KIF3A: variants seen among roughly 807,000 people sequenced by gnomAD.
The protein encoded by KIF3A is kinesin family member 3A.
Under a neutral mutation model 92.6 loss-of-function variants are expected in KIF3A, and 27 were observed. The ratio of observed to expected loss-of-function variants is 0.29; its 90% confidence interval spans 0.21 to 0.40. The LOEUF is 0.40. KIF3A is among the 10% of genes least tolerant of loss of function. The probability of loss-of-function intolerance (pLI) is 1.00; values close to 1 mark genes in which losing one functional copy is unlikely to be tolerated. For synonymous variants in KIF3A, 250 were observed against 275.4 expected (o/e 0.91, Z 0.92); for missense variants, 581 against 872.6 (o/e 0.67, Z 4.21).
At chr5:132,698,911 T>C (rs921454105) in intron 18 of KIF3A, among the ~76,000 whole-genome samples, 1 of 152,084 alleles carries the variant, frequency 6.6e-6, no homozygotes, top group Admixed American at 6.5e-5. Flanking sequence ...TTAACTTTTG[T>C]ATTTTTAGTA....
intron 5 of KIF3A, among the ~76,000 whole-genome samples, chr5:132,717,808 A>G (rs965613607): frequency 2.6e-5 from 4 of 152,158 alleles, no homozygotes; most frequent in African/African-American, 7.2e-5. Context: ...TCTTCCTACT[A>G]TACATTCATG....
intron 5 of KIF3A, among the ~76,000 whole-genome samples, chr5:132,718,359 G>A (rs548492030): frequency 6.6e-6 from 1 of 152,240 alleles, no homozygotes; most frequent in Non-Finnish European, 1.5e-5. Context: ...ACCCAGGCTG[G>A]AGGGCAGTGG....
intron 1 of KIF3A, among the ~76,000 whole-genome samples, chr5:132,735,748 T>C (rs550438779): frequency 1.3e-5 from 2 of 152,320 alleles, no homozygotes; most frequent in South Asian, 4.1e-4. Context: ...TCTAATCATG[T>C]CACTCTCCTA....
intron 1 of KIF3A, among the ~76,000 whole-genome samples, chr5:132,737,181 C>A (rs1324752848): frequency 1.3e-5 from 2 of 152,244 alleles, no homozygotes; most frequent in African/African-American, 4.8e-5. Context: ...CCACGGGATG[C>A]AGCAGCGACG....
chr5:132,706,359 A>T, intron 11 of KIF3A, 92 bp downstream of exon 11: 1 of 857,580 alleles, frequency 1.2e-6, no homozygotes, highest in Non-Finnish European at 1.7e-6. Flanking sequence ...TAAAAAAACT[A>T]CTAAATTTTA....
At chr5:132,714,381 A>G (rs1753541318) in intron 8 of KIF3A, among the ~76,000 whole-genome samples, 1 of 152,234 alleles carries the variant, frequency 6.6e-6, no homozygotes, top group Non-Finnish European at 1.5e-5. Context: ...AATGCCACAG[A>G]AATGTAGACT....
rs1438953192 is a variant in KIF3A at position 132,711,140 on chromosome 5, C to T, written c.1130-83G>A. 4 of 1,329,554 alleles carry T rather than the reference C, an allele frequency of 3.0e-6. No individual in the cohort carries two copies. In the African/African-American group the frequency reaches 5.8e-5, roughly 19 times the overall value. The allele number at this position is 1,329,554 out of a possible 1,614,324, so 82.4% of individuals were successfully genotyped here. ...GGAAATACCTATATCAGCTTTCTTC[C>T]TCAGATTTTTGTTACTGCAAACAAC... On this transcript the variant is annotated intron_variant, in intron 8 of 18. Transcript: ENST00000403231.
chr5:132,703,760 A>G, intron 11 of KIF3A, 141 bp from the exon 12 acceptor site: 1 of 599,906 alleles, frequency 1.7e-6, no homozygotes, highest in Non-Finnish European at 2.8e-6. Flanking sequence ...AAATCAAACC[A>G]ATAATATCAT....
At chr5:132,703,381 C>A in intron 12 of KIF3A, 82 bp downstream of exon 12, 1 of 1,216,950 alleles carries the variant, frequency 8.2e-7, no homozygotes. Context: ...CTTTTAATTA[C>A]TATTCAATTT....
At chr5:132,731,549 A>G (rs566801088) in intron 2 of KIF3A, among the ~76,000 whole-genome samples, 244 of 152,306 alleles carry the variant, frequency 1.6e-3, no homozygotes, top group African/African-American at 5.7e-3. Flanking sequence ...TACTGGTGAA[A>G]GAATGAATGC....
At chr5:132,724,698 C>A (rs569105846) in intron 4 of KIF3A, among the ~76,000 whole-genome samples, 1 of 148,574 alleles carries the variant, frequency 6.7e-6, no homozygotes, top group African/African-American at 2.5e-5. Context: ...ATGTAAATGA[C>A]GAGTTAATGG....
At chr5:132,699,867 C>T (rs1268861119) in intron 17 of KIF3A, among the ~76,000 whole-genome samples, 1 of 152,074 alleles carries the variant, frequency 6.6e-6, no homozygotes, top group East Asian at 1.9e-4. Context: ...CGGCCCGCTC[C>T]CTCTTCTTCT....
rs1167332306 is a variant in KIF3A at position 132,724,806 on chromosome 5, AAT to A, written c.510+1320_510+1321del. On this transcript the variant is annotated intron_variant, in intron 4 of 18. Transcript: ENST00000403231. ...TTAAAGTATAATAAAAAAAAAAAAAAATATATATATATATATATATATATATA... is the reference window on the plus strand; with the variant it reads ...TTAAAGTATAATAAAAAAAAAAAAAAATATATATATATATATATATATATA... Among the ~76,000 whole-genome samples the A allele has an allele frequency of 9.8e-3, 222 of 22,662 alleles. 2 individuals carry two copies. Among genetic ancestry groups the A allele is most frequent in the Middle Eastern group, 0.018 (1 of 56 alleles). The allele number at this position is 22,662 out of a possible 152,430, so 14.9% of individuals were successfully genotyped here. A position where few individuals can be genotyped will look rare whatever the true frequency, so the allele number is the denominator to read the frequency against.
intron 1 of KIF3A, 42 bp downstream of exon 1, chr5:132,737,372 T>C: frequency 1.3e-6 from 2 of 1,594,018 alleles, no homozygotes; most frequent in Non-Finnish European, 1.7e-6. Context: ...GCCAGGCCGC[T>C]AGGATGAGAA....
rs763064050 is a variant in KIF3A at position 132,734,438 on chromosome 5, T to A, written c.47A>T (p.Lys16Met). ...GAGGGGCCGGCACCTAACAACAACC[T>A]TCACATTATCGCAGCTTTCTGGCTT... ...SEKPESCDNVKVVVRCRPLNE... is the reference protein window; with the variant it reads ...SEKPESCDNVMVVVRCRPLNE... The change falls in exon 2 of 19, where the codon AAG becomes ATG. Residue 16 changes from lysine to methionine, a missense_variant. Lys to Met is a moderately conservative substitution (Grantham distance 95). Coordinates refer to ENST00000403231, the MANE Select transcript of KIF3A (RefSeq NM_001300791.2). 6.2e-7 allele frequency: 1 copy of A among 1,613,894 alleles called. No homozygotes were observed. Among genetic ancestry groups the A allele is most frequent in the Non-Finnish European group, 8.5e-7 (1 of 1,179,922 alleles).
At chr5:132,715,074 G>C (rs1226078345) in intron 8 of KIF3A, among the ~76,000 whole-genome samples, 1 of 152,008 alleles carries the variant, frequency 6.6e-6, no homozygotes, top group African/African-American at 2.4e-5. Flanking sequence ...AGACTACAAA[G>C]GTGCTTTGAA....
chr5:132,691,327 C>G (rs949495951), downstream of KIF3A, among the ~76,000 whole-genome samples: 2 of 152,090 alleles, frequency 1.3e-5, no homozygotes, highest in Non-Finnish European at 2.9e-5. Flanking sequence ...GTGGGTGGAT[C>G]ACCTGAGGTT....
chr5:132,704,417 C>G (rs903536612), intron 11 of KIF3A, among the ~76,000 whole-genome samples: 20 of 151,878 alleles, frequency 1.3e-4, no homozygotes, highest in Non-Finnish European at 2.5e-4. Context: ...AGAAATACTA[C>G]CAAATAATAA....
intron 18 of KIF3A, chr5:132,697,672 T>C (rs146396833): frequency 1.3e-5 from 2 of 152,166 alleles, no homozygotes; most frequent in East Asian, 3.9e-4. Context: ...TAAAATTAAC[T>C]GGGCATGGTG....
Sources: allele counts gnomAD v4.1 joint callset (sites outside exome capture counted in the v4.1 genomes callset), GRCh38; gene constraint gnomAD v4.1.1; transcripts MANE v1.5; gene names NCBI Gene and HGNC (gene_info 2026-07-23, HGNC 2026-07-21).